The following NUDCD3 variants were observed in gnomAD, a reference collection of about 807,000 sequenced individuals.
NUDCD3 encodes the protein NudC domain containing 3, also known as nudC domain-containing protein 3.
NUDCD3 carries 13 observed loss-of-function variants against 39.7 expected under a neutral mutation model. That is an observed-to-expected ratio of 0.33 (90% CI 0.21 to 0.52). The LOEUF is 0.52. Ranked by LOEUF, NUDCD3 falls within the 20% of genes least tolerant of loss-of-function variation. The pLI is 0.96. For synonymous variants in NUDCD3, 175 were observed against 172.4 expected (o/e 1.02, Z -0.12); for missense variants, 453 against 458.1 (o/e 0.99, Z 0.10).
rs376384993 is a variant in NUDCD3, at chr7:44,470,113, G to A, written c.509+14855C>T. Among the ~76,000 whole-genome samples, 8 of 152,228 alleles carry A rather than the reference G, an allele frequency of 5.3e-5. No homozygotes were observed. The East Asian group carries it at 1.2e-3, about 22-fold the overall frequency. ...TGAAGAGCATATGTGAGAATTCTTCGCATGACTTCTGCAATTTTTTTTGGT... is the reference window on the plus strand; with the variant it reads ...TGAAGAGCATATGTGAGAATTCTTCACATGACTTCTGCAATTTTTTTTGGT... On this transcript the variant is annotated intron_variant, in intron 2 of 5. Coordinates refer to ENST00000355451, the MANE Select transcript of NUDCD3 (RefSeq NM_015332.4).
chr7:44,427,589 G>A lies in NUDCD3; in HGVS notation c.624C>T (p.His208=), dbSNP rs532553514. Reference sequence around the variant, plus strand: ...CCATTACCTGCTTTCCCTTCACCACGTGCTTGGGTACTGGCACCCTGACCT... The same window carrying A: ...CCATTACCTGCTTTCCCTTCACCACATGCTTGGGTACTGGCACCCTGACCT... The part of the protein sequence containing the change: ...DLEVRVPVPK[H]VVKGKQVSVA... Residue 208 remains histidine, a synonymous_variant, in exon 3 of 6, where the codon CAC becomes CAT. Coordinates refer to ENST00000355451, the MANE Select transcript of NUDCD3 (RefSeq NM_015332.4). The A allele has an allele frequency of 1.8e-5, 29 of 1,612,910 alleles. 1 individual carries two copies. Among genetic ancestry groups the A allele is most frequent in the South Asian group, 1.3e-4 (12 of 90,920 alleles).
At chr7:44,415,286 T>A (rs529439415) in intron 3 of NUDCD3, among the ~76,000 whole-genome samples, 8 of 152,298 alleles carry the variant, frequency 5.3e-5, no homozygotes, top group African/African-American at 1.9e-4. Context: ...CACAAAAACA[T>A]CTGTCATTAA....
In NUDCD3 at chr7:44,441,385, T is replaced by C. The variant is rs529660522; in HGVS notation, c.510-13682A>G. On this transcript the variant is annotated intron_variant, in intron 2 of 5. Transcript: ENST00000355451. ...CTTTTGTTTTCTTGAAGATATTATATCCTGGGAGGACTTTCAGTACCAAGA... is the reference window on the plus strand; with the variant it reads ...CTTTTGTTTTCTTGAAGATATTATACCCTGGGAGGACTTTCAGTACCAAGA... Among the ~76,000 whole-genome samples, 12 of 152,296 alleles carry C rather than the reference T, an allele frequency of 7.9e-5. No individual in the cohort carries two copies. In the East Asian group the frequency reaches 1.5e-3, roughly 20 times the overall value.
intron 3 of NUDCD3, among the ~76,000 whole-genome samples, chr7:44,409,539 T>C (rs1478265780): frequency 1.3e-5 from 2 of 151,924 alleles, no homozygotes; most frequent in Non-Finnish European, 2.9e-5. Context: ...CATTGTGTTA[T>C]TTAAAAATCC....
intron 2 of NUDCD3, among the ~76,000 whole-genome samples, chr7:44,460,923 AT>A (rs1799996198): frequency 6.6e-6 from 1 of 152,210 alleles, no homozygotes; most frequent in South Asian, 2.1e-4. Flanking sequence ...GTTTTCCTCC[AT>A]TGGAAAATCT....
In NUDCD3 at chr7:44,384,272, G is replaced by A. The variant is rs1379852623; in HGVS notation, c.*1739C>T. The A allele has an allele frequency of 6.6e-6, 1 of 152,114 alleles. No homozygotes were observed. Among genetic ancestry groups the A allele is most frequent in the Non-Finnish European group, 1.5e-5 (1 of 68,034 alleles). 9.4% of individuals were successfully genotyped at this position (152,114 alleles called of 1,614,324 possible). On this transcript the variant is annotated 3_prime_UTR_variant, in exon 6 of 6. Coordinates refer to ENST00000355451, the MANE Select transcript of NUDCD3 (RefSeq NM_015332.4). Reference sequence around the variant, plus strand: ...GCAGGAAAGCTCTTGTGGGACAGTGGTGTGCAAATCCTAGGACCTCAATGG... The same window carrying A: ...GCAGGAAAGCTCTTGTGGGACAGTGATGTGCAAATCCTAGGACCTCAATGG...
At chr7:44,412,439 T>G (rs972395939) in intron 3 of NUDCD3, among the ~76,000 whole-genome samples, 8 of 152,216 alleles carry the variant, frequency 5.3e-5, no homozygotes, top group Non-Finnish European at 1.0e-4. Context: ...TCAAGTTCTA[T>G]CTGTATTTTT....
chr7:44,447,435 G>A (rs999074422), intron 2 of NUDCD3, among the ~76,000 whole-genome samples: 2 of 152,188 alleles, frequency 1.3e-5, no homozygotes, highest in Admixed American at 1.3e-4. Context: ...ATTAAGAAGT[G>A]ATTAGGTTAT....
intron 2 of NUDCD3, among the ~76,000 whole-genome samples, chr7:44,480,447 A>T (rs1800464947): frequency 6.6e-6 from 1 of 152,208 alleles, no homozygotes; most frequent in East Asian, 1.9e-4. Flanking sequence ...AAAGTTTTCA[A>T]ATTTGATATT....
intron 2 of NUDCD3, among the ~76,000 whole-genome samples, chr7:44,480,310 G>A (rs1239374137): frequency 2.0e-5 from 3 of 151,958 alleles, no homozygotes; most frequent in African/African-American, 7.3e-5. Context: ...AAAATAAATG[G>A]TCATTACAGA....
intron 4 of NUDCD3, chr7:44,402,598 A>G (rs1453654694): frequency 4.4e-6 from 2 of 456,094 alleles, no homozygotes; most frequent in Non-Finnish European, 8.8e-6. Context: ...CTTCTGCATG[A>G]AGTATCTAAA....
intron 3 of NUDCD3, among the ~76,000 whole-genome samples, chr7:44,418,421 A>C (rs1334634299): frequency 1.3e-5 from 2 of 152,248 alleles, no homozygotes; most frequent in Non-Finnish European, 2.9e-5. Flanking sequence ...AAGGTTTAGA[A>C]GCAGACACAC....
chr7:44,416,845 CCTGGCTCTT>C (rs1488895722), intron 3 of NUDCD3, among the ~76,000 whole-genome samples: 1 of 152,202 alleles, frequency 6.6e-6, no homozygotes, highest in African/African-American at 2.4e-5. Context: ...TTGATTGTGA[CCTGGCTCTT>C]ATTGGCTGAG....
rs185377082 is a variant in NUDCD3 at position 44,430,386 on chromosome 7, A to G, written c.510-2683T>C. On this transcript the variant is annotated intron_variant, in intron 2 of 5. Transcript: ENST00000355451. ...CACTGACAGCAGCTTTAAGACTCAT[A>G]TCTGACATAAATATGCTTAAACATG... Among the ~76,000 whole-genome samples, 5 of 152,288 alleles carry G rather than the reference A, an allele frequency of 3.3e-5. No homozygotes were observed. In the East Asian group the frequency reaches 9.6e-4, roughly 29 times the overall value.
chr7:44,476,164 C>A (rs1490794863), intron 2 of NUDCD3, among the ~76,000 whole-genome samples: 2 of 152,122 alleles, frequency 1.3e-5, no homozygotes, highest in East Asian at 3.9e-4. Context: ...AAAGACGAAA[C>A]AAGGAACCCA....
Position 44,490,431 on chromosome 7 carries a change from GC to G in NUDCD3, c.169del (p.Ala57ProfsTer60). The G allele has an allele frequency of 6.3e-7, 1 of 1,582,472 alleles. No individual in the cohort carries two copies. On this transcript the variant is annotated frameshift_variant, in exon 1 of 6. Transcript: ENST00000355451. LOFTEE classifies it high-confidence loss of function. ...PSDRMGFPPG[A>X]AQALVLQVFK... is the part of the protein sequence containing the mutation. The stretch of plus-strand genomic sequence containing the variant: ...CACCTGCAGCACCAAGGCCTGCGCG[GC>G]CCCGGGCGGGAAGCCCATGCGGTCC...
intron 2 of NUDCD3, among the ~76,000 whole-genome samples, chr7:44,459,956 T>C (rs528460630): frequency 4.0e-4 from 61 of 152,330 alleles, no homozygotes; most frequent in African/African-American, 1.4e-3. Flanking sequence ...ATACAAAACT[T>C]GATCAAGTCA....
chr7:44,431,228 C>T (rs1454652938), intron 2 of NUDCD3, among the ~76,000 whole-genome samples: 1 of 152,194 alleles, frequency 6.6e-6, no homozygotes, highest in Non-Finnish European at 1.5e-5. Flanking sequence ...GGGGAGGGAG[C>T]ATCCATGCTT....
intron 2 of NUDCD3, among the ~76,000 whole-genome samples, chr7:44,459,826 C>G (rs1022191756): frequency 2.0e-5 from 3 of 152,070 alleles, no homozygotes; most frequent in Non-Finnish European, 4.4e-5. Flanking sequence ...AGGAAGCCAC[C>G]AACAATAGAA....
Sources: gnomAD v4.1 joint callset for allele counts (sites outside exome capture counted in the v4.1 genomes callset) on GRCh38, gnomAD v4.1.1 for gene constraint, MANE v1.5 for transcripts, NCBI Gene and HGNC (gene_info 2026-07-23, HGNC 2026-07-21) for gene names.